The following NRXN1 variants were observed in gnomAD, a reference collection of about 807,000 sequenced individuals.
NRXN1 encodes neurexin 1.
A neutral mutation model predicts 150.9 loss-of-function variants in NRXN1; 39 were observed. The observed-to-expected ratio is 0.26, with a 90% CI of 0.20 to 0.34. The LOEUF (loss-of-function observed/expected upper bound fraction) is 0.34, where lower values mean the gene tolerates loss of function less well. Ranked by LOEUF, NRXN1 falls within the 10% of genes least tolerant of loss-of-function variation. The pLI is 1.00. For missense variants in NRXN1, 1,815 were observed against 1,949.9 expected (o/e 0.93, Z 1.30); for synonymous variants, 924 against 757.0 (o/e 1.22, Z -3.62).
At chr2:50,068,004 A>G (rs1036274858) in intron 19 of NRXN1, among the ~76,000 whole-genome samples, 3 of 152,160 alleles carry the variant, frequency 2.0e-5, no homozygotes, top group Non-Finnish European at 2.9e-5. Flanking sequence ...TGGTCCACGG[A>G]AAAAAAGATA....
chr2:50,062,086 G>A (rs1012307330), intron 19 of NRXN1, among the ~76,000 whole-genome samples: 13 of 152,052 alleles, frequency 8.5e-5, no homozygotes, highest in African/African-American at 3.1e-4. Context: ...AGAATTCAAA[G>A]GAAAATCTGA....
intron 18 of NRXN1, among the ~76,000 whole-genome samples, chr2:50,167,100 A>G (rs936504523): frequency 1.3e-5 from 2 of 152,168 alleles, no homozygotes; most frequent in Non-Finnish European, 1.5e-5. Flanking sequence ...GGATGGCTTT[A>G]TGGAAAAGTG....
chr2:50,986,368 G>A (rs1697707827), intron 2 of NRXN1, among the ~76,000 whole-genome samples: 1 of 151,418 alleles, frequency 6.6e-6, no homozygotes, highest in Non-Finnish European at 1.5e-5. Flanking sequence ...AGTTAAATAT[G>A]GACAAACATA....
intron 18 of NRXN1, among the ~76,000 whole-genome samples, chr2:50,160,876 A>C (rs190010265): frequency 3.9e-4 from 59 of 152,294 alleles, no homozygotes; most frequent in Non-Finnish European, 6.9e-4. Flanking sequence ...TGGGCTTTTA[A>C]AAATTATACA....
intron 17 of NRXN1, among the ~76,000 whole-genome samples, chr2:50,275,349 C>T (rs1245269595): frequency 6.6e-6 from 1 of 152,120 alleles, no homozygotes; most frequent in Non-Finnish European, 1.5e-5. Flanking sequence ...CAGATTGTAA[C>T]TTCAACAAAG....
At chr2:50,234,800 C>T (rs2065266912) in intron 18 of NRXN1, among the ~76,000 whole-genome samples, 1 of 151,936 alleles carries the variant, frequency 6.6e-6, no homozygotes, top group Admixed American at 6.6e-5. Context: ...CAGGCAAGAC[C>T]AAGATCGGAG....
At chr2:50,167,166 A>C (rs2059739354) in intron 18 of NRXN1, among the ~76,000 whole-genome samples, 1 of 152,194 alleles carries the variant, frequency 6.6e-6, no homozygotes. Context: ...AAGAACACTG[A>C]TGAGGAACTA....
At chr2:50,217,546 T>C (rs773385836) in intron 18 of NRXN1, among the ~76,000 whole-genome samples, 21 of 151,968 alleles carry the variant, frequency 1.4e-4, no homozygotes, top group Admixed American at 6.6e-4. Flanking sequence ...ACCCTATAAG[T>C]AGGGGTTCAA....
intron 5 of NRXN1, among the ~76,000 whole-genome samples, chr2:50,805,199 T>C (rs903780605): frequency 6.6e-6 from 1 of 152,068 alleles, no homozygotes; most frequent in Non-Finnish European, 1.5e-5. Context: ...ACTAAAGGAA[T>C]TGCACAAATT....
intron 17 of NRXN1, among the ~76,000 whole-genome samples, chr2:50,252,465 G>A (rs13003837): frequency 2.0e-5 from 3 of 151,696 alleles, no homozygotes; most frequent in Admixed American, 2.0e-4. Context: ...TGCCATGTTA[G>A]CCAGGCTGGT....
chr2:50,139,183 G>T lies in NRXN1; in HGVS notation c.3547-47689C>A, dbSNP rs556274742. Among the ~76,000 whole-genome samples, 8 of 152,066 alleles carry T rather than the reference G, an allele frequency of 5.3e-5. No individual in the cohort carries two copies. The South Asian group carries it at 1.0e-3, about 20-fold the overall frequency. ...TCTACTAAAAATACAAAAATTAGCC[G>T]GGCGTGGTGGCGTGTGCCAGTAATC... On this transcript the variant is annotated intron_variant, in intron 18 of 22. Transcript: ENST00000401669.
At chr2:50,962,686 T>C (rs1286677751) in intron 2 of NRXN1, among the ~76,000 whole-genome samples, 2 of 151,726 alleles carry the variant, frequency 1.3e-5, no homozygotes, top group Non-Finnish European at 3.0e-5. Context: ...GATTTTGCTA[T>C]AAATTGCCTT....
intron 18 of NRXN1, among the ~76,000 whole-genome samples, chr2:50,202,188 G>C (rs1189893397): frequency 6.6e-5 from 10 of 152,152 alleles, no homozygotes; most frequent in Non-Finnish European, 1.3e-4. Context: ...TAGTTACACA[G>C]GAGTGGTGTA....
rs532207624 is a variant in NRXN1, at chr2:50,256,986, T to G, written c.3365-20016A>C. ...ATCTTATACTGTGTTGAGAGATGAG[T>G]ATTTCTGGGTCTCATATTGACAGCA... On this transcript the variant is annotated intron_variant, in intron 17 of 22. Transcript: ENST00000401669. Among the ~76,000 whole-genome samples the G allele has an allele frequency of 4.6e-5, 7 of 152,136 alleles. No homozygotes were observed. In the East Asian group the frequency reaches 1.4e-3, roughly 29 times the overall value.
intron 18 of NRXN1, among the ~76,000 whole-genome samples, chr2:50,100,183 G>T (rs972903787): frequency 5.3e-5 from 8 of 152,120 alleles, no homozygotes; most frequent in African/African-American, 1.7e-4. Context: ...TTAGGTTGAA[G>T]TATCAGTAAT....
At chr2:50,165,437 C>T (rs1329161546) in intron 18 of NRXN1, among the ~76,000 whole-genome samples, 1 of 152,224 alleles carries the variant, frequency 6.6e-6, no homozygotes, top group African/African-American at 2.4e-5. Context: ...CAACCTCCGC[C>T]TGCCGAGTTC....
intron 2 of NRXN1, among the ~76,000 whole-genome samples, chr2:50,970,126 T>C (rs1356737958): frequency 6.6e-6 from 1 of 152,152 alleles, no homozygotes; most frequent in Non-Finnish European, 1.5e-5. Flanking sequence ...AATTTCTTTA[T>C]GGGTCAGTTT....
At position 50,829,400 on chromosome 2, in the gene NRXN1, T is replaced by A. The variant is rs999595655; in HGVS notation, c.832+92469A>T. On this transcript the variant is annotated intron_variant, in intron 5 of 22. Transcript: ENST00000401669. ...GCCTCGGGCTCCCAAAGTGCGGGGA[T>A]TACAGGCATGAGCCACTGTGCCCGG... 5.8e-5 allele frequency: 75 copies of A among 1,290,642 alleles called. No homozygotes were observed. In the African/African-American group the frequency reaches 1.0e-3, roughly 17 times the overall value. 79.9% of individuals were successfully genotyped at this position (1,290,642 alleles called of 1,614,324 possible). A position where few individuals can be genotyped will look rare whatever the true frequency, so the allele number is the denominator to read the frequency against.
At chr2:50,071,143 C>A (rs1388752154) in intron 19 of NRXN1, among the ~76,000 whole-genome samples, 8 of 152,192 alleles carry the variant, frequency 5.3e-5, no homozygotes, top group Admixed American at 1.3e-4. Flanking sequence ...GTGTCATATA[C>A]AAGAAGAAGC....
Sources: allele counts gnomAD v4.1 joint callset (sites outside exome capture counted in the v4.1 genomes callset), GRCh38; gene constraint gnomAD v4.1.1; transcripts MANE v1.5; gene names NCBI Gene and HGNC (gene_info 2026-07-23, HGNC 2026-07-21).